Variants in CUX1 observed in about 807,000 individuals in gnomAD.
CUX1 encodes cut like homeobox 1, also known as protein CASP.
In CUX1, 31 loss-of-function variants were observed where a neutral mutation model predicts 158.8. That is an observed-to-expected ratio of 0.20 (90% CI 0.15 to 0.26). The LOEUF (loss-of-function observed/expected upper bound fraction) is 0.26, where lower values mean the gene tolerates loss of function less well. CUX1 is among the 10% of genes least tolerant of loss of function. The pLI, the probability that CUX1 is intolerant of heterozygous loss-of-function variation, is 1.00. For synonymous variants in CUX1, 879 were observed against 862.1 expected, an observed-to-expected ratio of 1.02 and a Z score of -0.34; for missense variants, 1,589 against 2,014.6, an observed-to-expected ratio of 0.79 and a Z score of 4.04.
intron 11 of CUX1, among the ~76,000 whole-genome samples, chr7:102,185,762 G>C (rs1554515081): frequency 6.6e-6 from 1 of 152,058 alleles, no homozygotes; most frequent in African/African-American, 2.4e-5. Flanking sequence ...GTCGGACTCT[G>C]GAGTCCAGGT....
intron 11 of CUX1, among the ~76,000 whole-genome samples, chr7:102,187,505 T>A (rs1793759218): frequency 6.6e-6 from 1 of 152,124 alleles, no homozygotes; most frequent in Non-Finnish European, 1.5e-5. Context: ...AGTGACAGAC[T>A]CGAGTTCCAG....
chr7:102,066,775 C>A (rs1280926842), intron 3 of CUX1, among the ~76,000 whole-genome samples: 1 of 152,172 alleles, frequency 6.6e-6, no homozygotes, highest in Non-Finnish European at 1.5e-5. Context: ...GAAGCAACTC[C>A]AAATCCGTTG....
chr7:102,249,011 G>T lies in CUX1; in HGVS notation c.4487G>T (p.Ser1496Ile). ...ATCCACCGCCTGGAGAAGGCCGCCAGCCGGGAGGAACCTATCGAATGGGAG... is the reference window on the plus strand; with the variant it reads ...ATCCACCGCCTGGAGAAGGCCGCCATCCGGGAGGAACCTATCGAATGGGAG... ...SIIHRLEKAA[S>I]REEPIEWEF Residue 1496 changes from serine (S) to isoleucine (I), a missense_variant, in exon 24 of 24, where the codon AGC (serine) becomes ATC (isoleucine). By Grantham distance (142) the Ser-to-Ile change is moderately radical. Around this residue, in one of 8 missense-constraint regions of CUX1, gnomAD observed 344 missense variants for 323.7 expected, o/e 1.06. Transcript: ENST00000292535. The T allele has an allele frequency of 7.2e-7, 1 of 1,397,454 alleles. No individual in the cohort carries two copies. The allele number at this position is 1,397,454 out of a possible 1,614,324, so 86.6% of individuals were successfully genotyped here.
chr7:101,871,762 A>G (rs537993530), intron 1 of CUX1, among the ~76,000 whole-genome samples: 37 of 152,286 alleles, frequency 2.4e-4, no homozygotes, highest in Admixed American at 5.9e-4. Context: ...TCTCGCCTGT[A>G]ATCCCAGTTC....
chr7:102,196,562 G>C (rs1252721916), intron 14 of CUX1, 72 bp from the exon 15 acceptor site: 1 of 1,371,286 alleles, frequency 7.3e-7, no homozygotes, highest in Non-Finnish European at 9.6e-7. Flanking sequence ...GCAAACTTTT[G>C]CATTTTGGTC....
At chr7:101,967,961 T>C (rs1811438790) in intron 2 of CUX1, among the ~76,000 whole-genome samples, 1 of 152,102 alleles carries the variant, frequency 6.6e-6, no homozygotes, top group Non-Finnish European at 1.5e-5. Context: ...TGGAATGCAG[T>C]AGTGTGATCG....
chr7:102,249,590 C>G lies in CUX1; in HGVS notation c.*548C>G. Reference sequence around the variant, plus strand: ...GGCTTTAAAAGAAAAAAAATCAAACCCACATATTAAAAGGGGGCTTTTTAT... The same window carrying G: ...GGCTTTAAAAGAAAAAAAATCAAACGCACATATTAAAAGGGGGCTTTTTAT... On this transcript the variant is annotated 3_prime_UTR_variant, in exon 24 of 24. Coordinates refer to ENST00000292535, the MANE Select transcript of CUX1 (RefSeq NM_181552.4). 1.0e-6 allele frequency: 1 copy of G among 985,578 alleles called. No homozygotes were observed. Among genetic ancestry groups the G allele is most frequent in the Non-Finnish European group, 1.2e-6 (1 of 829,900 alleles). The allele number at this position is 985,578 out of a possible 1,614,324, so 61.1% of individuals were successfully genotyped here. A position where few individuals can be genotyped will look rare whatever the true frequency, so the allele number is the denominator to read the frequency against.
rs541257658 is a variant in CUX1 at position 102,111,275 on chromosome 7, C to T, written c.531-423C>T. On this transcript the variant is annotated intron_variant, in intron 6 of 23. Transcript: ENST00000292535. ...ATTATAACAGAGACGGAACAGCTGC[C>T]ACATCTATTTAGTGCATCCTTTATT... Among the ~76,000 whole-genome samples, 2 of 152,270 alleles carry T rather than the reference C, an allele frequency of 1.3e-5. 1 individual carries two copies. Among genetic ancestry groups the T allele is most frequent in the Admixed American group, 1.3e-4 (2 of 15,294 alleles).
chr7:102,074,390 T>A (rs1826469463), intron 4 of CUX1, among the ~76,000 whole-genome samples: 1 of 152,038 alleles, frequency 6.6e-6, no homozygotes, highest in Non-Finnish European at 1.5e-5. Flanking sequence ...GGAGCCAGAG[T>A]CTCACCCAGC....
At chr7:102,137,462 C>A (rs1372706573) in intron 8 of CUX1, among the ~76,000 whole-genome samples, 1 of 152,124 alleles carries the variant, frequency 6.6e-6, no homozygotes. Context: ...ATGGCTAAAC[C>A]CTGCCTCTAC....
chr7:102,227,668 C>T lies in CUX1; in HGVS notation c.3432C>T (p.Leu1144=), dbSNP rs145427859. ...RVKEVLTDNN[L]GQRLFGETIL... ...AGGAGGTGCTGACGGACAACAACCT[C>T]GGTAGGTTCTCCTCTCGGCTGCTGA... The change falls in exon 21 of 24, where the codon CTC becomes CTT. Residue 1144 remains leucine, a splice_region_variant and synonymous_variant. Coordinates refer to ENST00000292535, the MANE Select transcript of CUX1 (RefSeq NM_181552.4). The T allele has an allele frequency of 7.6e-4, 1,221 of 1,607,064 alleles. 1 individual carries two copies. The highest frequency in any genetic ancestry group is 9.6e-4 in the Non-Finnish European group (1,129 of 1,175,474).
intron 20 of CUX1, among the ~76,000 whole-genome samples, chr7:102,214,599 C>T (rs566718221): frequency 6.6e-6 from 1 of 152,390 alleles, no homozygotes; most frequent in Admixed American, 6.5e-5. Context: ...AACGTATACA[C>T]ACTGGCTTGA....
chr7:101,956,138 CAAAAAAA>C (rs11462111), intron 2 of CUX1, among the ~76,000 whole-genome samples: 4 of 64,980 alleles, frequency 6.2e-5, no homozygotes, highest in South Asian at 7.6e-4. Context: ...GCCCACGTCT[CAAAAAAA>C]AAAAAAAAAA....
intron 8 of CUX1, among the ~76,000 whole-genome samples, chr7:102,156,350 T>A (rs1379562018): frequency 2.6e-5 from 4 of 152,154 alleles, no homozygotes; most frequent in Non-Finnish European, 4.4e-5. Context: ...AGGGCTTCCA[T>A]GCTGCATCAT....
At chr7:102,070,826 CT>C (rs1324003043) in intron 4 of CUX1, among the ~76,000 whole-genome samples, 1 of 152,230 alleles carries the variant, frequency 6.6e-6, no homozygotes, top group Non-Finnish European at 1.5e-5. Context: ...TCCCGCTCCC[CT>C]GCCAGGTCAT....
chr7:101,925,019 C>T (rs903465578), intron 2 of CUX1, among the ~76,000 whole-genome samples: 9 of 152,180 alleles, frequency 5.9e-5, no homozygotes, highest in African/African-American at 2.2e-4. Flanking sequence ...CCACTGCACA[C>T]AGAAAAGTGA....
At chr7:102,072,373 C>T (rs1222256031) in intron 4 of CUX1, among the ~76,000 whole-genome samples, 2 of 152,170 alleles carry the variant, frequency 1.3e-5, no homozygotes, top group African/African-American at 4.8e-5. Flanking sequence ...AGGTCACACT[C>T]CTATGCAAAC....
At chr7:102,244,168 T>C (rs931005624) in intron 23 of CUX1, among the ~76,000 whole-genome samples, 18 of 152,144 alleles carry the variant, frequency 1.2e-4, no homozygotes, top group Admixed American at 1.1e-3. Context: ...CCTGCCGTTA[T>C]ACCCGACAGA....
intron 1 of CUX1, among the ~76,000 whole-genome samples, chr7:101,889,409 C>T (rs1229118250): frequency 6.6e-6 from 1 of 152,148 alleles, no homozygotes; most frequent in Non-Finnish European, 1.5e-5. Context: ...AACACTTTTA[C>T]TTACTTCCAG....
Sources: allele counts gnomAD v4.1 joint callset (sites outside exome capture counted in the v4.1 genomes callset), GRCh38; gene constraint gnomAD v4.1.1; regional missense constraint gnomAD v4.1.1; transcripts MANE v1.5; gene names NCBI Gene and HGNC (gene_info 2026-07-23, HGNC 2026-07-21).